SLC24A2: variants seen among roughly 807,000 people sequenced by gnomAD.
SLC24A2 encodes the protein sodium/potassium/calcium exchanger 2.
A neutral mutation model predicts 62.0 loss-of-function variants in SLC24A2; 36 were observed. That is an observed-to-expected ratio of 0.58 (90% CI 0.44 to 0.77). The LOEUF is 0.77. Among genes scored for constraint, SLC24A2 ranks in the 30% least tolerant of loss-of-function variants. The pLI, the probability that SLC24A2 is intolerant of heterozygous loss-of-function variation, is 0.00. For synonymous variants in SLC24A2, 358 were observed against 294.0 expected, an observed-to-expected ratio of 1.22 and a Z score of -2.23; for missense variants, 846 against 817.9, an observed-to-expected ratio of 1.03 and a Z score of -0.42.
the SLC24A2 span, among the ~76,000 whole-genome samples, chr9:19,933,905 TC>T: frequency 9.2e-5 from 14 of 152,154 alleles, no homozygotes; most frequent in Non-Finnish European, 1.5e-5. Flanking sequence ...TATGTGAGAT[TC>T]CCCAAACAGG....
the SLC24A2 span, among the ~76,000 whole-genome samples, chr9:20,159,558 G>A: frequency 6.6e-6 from 1 of 151,672 alleles, no homozygotes; most frequent in Admixed American, 6.6e-5. Flanking sequence ...GGGAGGAAGA[G>A]TAGTATGTGT....
At chr9:19,538,377 C>A (rs1280286630) in intron 8 of SLC24A2, among the ~76,000 whole-genome samples, 8 of 134,740 alleles carry the variant, frequency 5.9e-5, no homozygotes, top group Admixed American at 4.5e-4. Context: ...AAATACGTCC[C>A]ATCAATACCT....
At chr9:20,234,294 T>C in the SLC24A2 span, among the ~76,000 whole-genome samples, 1 of 152,364 alleles carries the variant, frequency 6.6e-6, no homozygotes, top group East Asian at 1.9e-4. Flanking sequence ...ATTGGGGAAG[T>C]TCTCCTGGAT....
At chr9:19,783,614 G>A (rs920314802) in intron 2 of SLC24A2, among the ~76,000 whole-genome samples, 1 of 151,998 alleles carries the variant, frequency 6.6e-6, no homozygotes, top group Non-Finnish European at 1.5e-5. Flanking sequence ...TTCAGTGCCT[G>A]GGGGGGAAAA....
the SLC24A2 span, among the ~76,000 whole-genome samples, chr9:20,290,805 T>G: frequency 7.2e-5 from 11 of 152,256 alleles, no homozygotes; most frequent in African/African-American, 2.4e-4. Flanking sequence ...GAAATGGAAG[T>G]GGGGTTCTTC....
At chr9:19,652,041 T>G (rs1818815919) in intron 2 of SLC24A2, among the ~76,000 whole-genome samples, 1 of 152,218 alleles carries the variant, frequency 6.6e-6, no homozygotes, top group African/African-American at 2.4e-5. Flanking sequence ...CTTTGTTCCA[T>G]AAAATTATAC....
chr9:20,073,364 T>C, the SLC24A2 span, among the ~76,000 whole-genome samples: 8 of 152,190 alleles, frequency 5.3e-5, no homozygotes, highest in African/African-American at 1.2e-4. Context: ...CTCAGAATAA[T>C]GTCTCTTTTA....
At chr9:19,622,444 G>T (rs1238948415) in intron 2 of SLC24A2, 145 bp from the exon 3 acceptor site, 3 of 766,492 alleles carry the variant, frequency 3.9e-6, no homozygotes, top group African/African-American at 1.7e-5. Flanking sequence ...CCAAAACAGG[G>T]GACTAAGGAT....
the SLC24A2 span, among the ~76,000 whole-genome samples, chr9:20,307,298 T>C: frequency 6.6e-6 from 1 of 152,222 alleles, no homozygotes; most frequent in African/African-American, 2.4e-5. Flanking sequence ...TGAGATATAG[T>C]AGTCCTGAAG....
At chr9:19,736,983 C>A (rs1027188995) in intron 2 of SLC24A2, among the ~76,000 whole-genome samples, 5 of 152,140 alleles carry the variant, frequency 3.3e-5, no homozygotes, top group Non-Finnish European at 7.4e-5. Flanking sequence ...GGGAAACAGA[C>A]AAATCTGCAA....
At chr9:20,285,028 T>C in the SLC24A2 span, among the ~76,000 whole-genome samples, 3 of 152,344 alleles carry the variant, frequency 2.0e-5, no homozygotes, top group East Asian at 5.8e-4. Context: ...GTGTAAGGAT[T>C]ACCTAATATT....
At chr9:20,269,473 C>T in the SLC24A2 span, among the ~76,000 whole-genome samples, 1 of 152,100 alleles carries the variant, frequency 6.6e-6, no homozygotes. Context: ...CAAGTAAAAG[C>T]TTCAAAGGCA....
intron 2 of SLC24A2, among the ~76,000 whole-genome samples, chr9:19,660,334 G>A (rs1405426730): frequency 6.6e-6 from 1 of 152,180 alleles, no homozygotes; most frequent in Non-Finnish European, 1.5e-5. Context: ...ATGTCTCAGT[G>A]CATTTATATT....
chr9:19,723,332 T>C (rs1182648), intron 2 of SLC24A2, among the ~76,000 whole-genome samples: 78,058 of 151,704 alleles, frequency 0.51, 20,715 homozygotes, highest in East Asian at 0.84. Context: ...ATTTCATATT[T>C]CTGCTAACAA....
Position 19,508,878 on chromosome 9 carries a change from G to A in SLC24A2, c.*7275C>T, listed in dbSNP as rs1832605738. 6.6e-6 allele frequency: 1 copy of A among 152,142 alleles called. No individual in the cohort carries two copies. The highest frequency in any genetic ancestry group is 2.1e-4 in the South Asian group (1 of 4,828). The allele number at this position is 152,142 out of a possible 1,614,324, so 9.4% of individuals were successfully genotyped here. ...TGGGGACATCTTTATATATGTGTGT[G>A]TAAACAGTGTACCATACTAGGTTAG... On this transcript the variant is annotated 3_prime_UTR_variant, in exon 11 of 11. Transcript: ENST00000341998.
chr9:19,777,039 T>C (rs973887762), intron 2 of SLC24A2, among the ~76,000 whole-genome samples: 1 of 152,182 alleles, frequency 6.6e-6, no homozygotes, highest in African/African-American at 2.4e-5. Flanking sequence ...AATTCTCCCA[T>C]TAAAACAAAA....
At chr9:20,230,094 T>A in the SLC24A2 span, among the ~76,000 whole-genome samples, 439 of 152,336 alleles carry the variant, frequency 2.9e-3, 1 homozygote, top group African/African-American at 0.01. Flanking sequence ...TAGTATTCCA[T>A]GGTGTATATG....
the SLC24A2 span, among the ~76,000 whole-genome samples, chr9:20,145,891 T>G: frequency 4.0e-5 from 6 of 151,402 alleles, no homozygotes; most frequent in African/African-American, 1.5e-4. Flanking sequence ...GATATAAAAT[T>G]TGTTTTTATA....
intron 6 of SLC24A2, 84 bp from the exon 7 acceptor site, chr9:19,573,553 G>GAA: frequency 3.5e-6 from 3 of 853,020 alleles, no homozygotes; most frequent in Non-Finnish European, 5.9e-6. Context: ...GAGAGAGAGA[G>GAA]AAAGCAAATG....
Sources: allele counts gnomAD v4.1 joint callset (sites outside exome capture counted in the v4.1 genomes callset), GRCh38; gene constraint gnomAD v4.1.1; transcripts MANE v1.5; gene names NCBI Gene and HGNC (gene_info 2026-07-23, HGNC 2026-07-21).